Variants in DAB2IP observed in about 807,000 individuals in gnomAD.
DAB2IP encodes the protein disabled homolog 2-interacting protein.
A neutral mutation model predicts 107.2 loss-of-function variants in DAB2IP; 28 were observed. That is an observed-to-expected ratio of 0.26 (90% CI 0.19 to 0.36). The LOEUF (loss-of-function observed/expected upper bound fraction) is 0.36, where lower values mean the gene tolerates loss of function less well. Ranked by LOEUF, DAB2IP falls within the 10% of genes least tolerant of loss-of-function variation. The pLI, the probability that DAB2IP is intolerant of heterozygous loss-of-function variation, is 1.00. For missense variants in DAB2IP, 1,400 were observed against 1,644.7 expected, an observed-to-expected ratio of 0.85 and a Z score of 2.57; for synonymous variants, 755 against 706.4, an observed-to-expected ratio of 1.07 and a Z score of -1.09.
intron 3 of DAB2IP, among the ~76,000 whole-genome samples, chr9:121,738,753 G>C (rs1295795770): frequency 6.6e-6 from 1 of 152,206 alleles, no homozygotes; most frequent in Non-Finnish European, 1.5e-5. Flanking sequence ...TGTCTCTCAG[G>C]GTTTGGGGTT....
At chr9:121,596,225 G>A (rs1212290348) in intron 1 of DAB2IP, among the ~76,000 whole-genome samples, 2 of 152,186 alleles carry the variant, frequency 1.3e-5, no homozygotes, top group Non-Finnish European at 2.9e-5. Flanking sequence ...CAGCTACTCG[G>A]GAGACTGAGA....
intron 14 of DAB2IP, among the ~76,000 whole-genome samples, chr9:121,780,128 C>A (rs1835498925): frequency 6.6e-6 from 1 of 152,230 alleles, no homozygotes; most frequent in Admixed American, 6.5e-5. Flanking sequence ...TCAAGTGATC[C>A]TCCCTCCCTG....
chr9:121,709,305 G>A (rs1024439201), intron 3 of DAB2IP, among the ~76,000 whole-genome samples: 4 of 152,130 alleles, frequency 2.6e-5, no homozygotes, highest in East Asian at 1.9e-4. Context: ...GGCGGGGGAC[G>A]GAGATGCCTT....
chr9:121,670,127 A>G (rs988344889), intron 1 of DAB2IP, among the ~76,000 whole-genome samples: 6 of 152,052 alleles, frequency 3.9e-5, no homozygotes, highest in Admixed American at 2.6e-4. Flanking sequence ...TTCCATCTCT[A>G]TTGCTTTATC....
chr9:121,639,366 C>T (rs1361320316), intron 1 of DAB2IP, among the ~76,000 whole-genome samples: 6 of 152,184 alleles, frequency 3.9e-5, no homozygotes, highest in Non-Finnish European at 8.8e-5. Flanking sequence ...CAGAGCACAG[C>T]GGCAAGCTGG....
intron 14 of DAB2IP, among the ~76,000 whole-genome samples, chr9:121,780,315 G>A (rs1178320173): frequency 6.6e-6 from 1 of 152,110 alleles, no homozygotes; most frequent in Non-Finnish European, 1.5e-5. Flanking sequence ...TCCTGTACTG[G>A]GGAACCTGCC....
chr9:121,612,837 C>G (rs894917664), intron 1 of DAB2IP, among the ~76,000 whole-genome samples: 1 of 152,214 alleles, frequency 6.6e-6, no homozygotes, highest in Non-Finnish European at 1.5e-5. Context: ...AGGACAACTG[C>G]TCAGGTTTCT....
Position 121,702,398 on chromosome 9 carries a change from C to G in DAB2IP, c.362+2940C>G, listed in dbSNP as rs1170077180. 1.3e-5 allele frequency among the ~76,000 whole-genome samples: 2 copies of G among 152,026 alleles called. No individual in the cohort carries two copies. Among genetic ancestry groups the G allele is most frequent in the Non-Finnish European group, 1.5e-5 (1 of 68,006 alleles). On this transcript the variant is annotated intron_variant, in intron 3 of 15. Coordinates refer to ENST00000408936, the Ensembl canonical transcript of DAB2IP. This position sits in a 1 kb window ranked among gnomAD's most constrained non-coding sequence, Gnocchi z 4.5. ...AGTGCTTGGTTGGCACAGCTGGGCT[C>G]TGGGGGCTGGGGGCTGTAGGACAGG...
intron 3 of DAB2IP, among the ~76,000 whole-genome samples, chr9:121,729,431 T>G (rs1165437391): frequency 1.3e-5 from 2 of 152,160 alleles, no homozygotes; most frequent in African/African-American, 2.4e-5. Context: ...CTTAACTTTA[T>G]GACAAAACCA....
At chr9:121,783,559 C>T (rs1302150442) in exon 16 of DAB2IP, 1 of 1,614,014 alleles carries the variant, frequency 6.2e-7, no homozygotes, top group Non-Finnish European at 8.5e-7. Context: ...CAAAAGCCCG[C>T]TTGCTCGCTT....
rs560484700 is a variant in DAB2IP at position 121,622,991 on chromosome 9, G to A, written c.41-55687G>A. Among the ~76,000 whole-genome samples the A allele has an allele frequency of 1.1e-4, 17 of 152,318 alleles. No homozygotes were observed. In the East Asian group the frequency reaches 2.3e-3, roughly 21 times the overall value. ...AGGCATTCCTGAGAATGAGCATGTG[G>A]GTGCCTGGGGGTGTGCACGTGGGGC... On this transcript the variant is annotated intron_variant, in intron 1 of 16. Coordinates refer to the DAB2IP transcript ENST00000259371.
intron 10 of DAB2IP, among the ~76,000 whole-genome samples, 170 bp from the exon 11 acceptor site, chr9:121,770,376 G>A (rs1004960964): frequency 6.6e-6 from 1 of 152,180 alleles, no homozygotes; most frequent in African/African-American, 2.4e-5. Context: ...TAGATTTACC[G>A]ATTCCTGGGC....
At chr9:121,678,654 C>T (rs755101401) in intron 1 of DAB2IP, 24 bp from the exon 2 acceptor site, 30 of 1,488,428 alleles carry the variant, frequency 2.0e-5, no homozygotes, top group South Asian at 1.3e-5. Flanking sequence ...CTTGTTCAAC[C>T]TCTCTCTCCT....
intron 1 of DAB2IP, among the ~76,000 whole-genome samples, chr9:121,621,672 G>A (rs1337202733): frequency 7.7e-6 from 1 of 130,136 alleles, no homozygotes; most frequent in Non-Finnish European, 1.6e-5. Flanking sequence ...GTCTCATTCC[G>A]TTACCCAGGC....
In DAB2IP at chr9:121,689,251, G is replaced by A. The variant is rs988736926; in HGVS notation, c.229-10074G>A. ...GGAGGTTGCAGCGAGCTGAGATCGC[G>A]CCACTACACTCTAGCCTGGGTGGCA... On this transcript the variant is annotated intron_variant, in intron 2 of 15. Coordinates refer to ENST00000408936, the Ensembl canonical transcript of DAB2IP. Among the ~76,000 whole-genome samples the A allele has an allele frequency of 4.0e-5, 6 of 150,692 alleles. No individual in the cohort carries two copies. The South Asian group carries it at 8.4e-4, about 21-fold the overall frequency.
At chr9:121,603,232 G>A (rs564148627) in intron 1 of DAB2IP, among the ~76,000 whole-genome samples, 4 of 152,140 alleles carry the variant, frequency 2.6e-5, no homozygotes, top group Admixed American at 6.5e-5. Flanking sequence ...CCGCTCTGTG[G>A]GCCATTGGGC....
chr9:121,569,679 G>C (rs1829888283), intron 1 of DAB2IP, among the ~76,000 whole-genome samples: 1 of 152,190 alleles, frequency 6.6e-6, no homozygotes. Flanking sequence ...AAATTAGCCA[G>C]GCATGGTGGT....
intron 3 of DAB2IP, chr9:121,737,586 TGGGCCGGGCCGGA>T: frequency 1.0e-6 from 1 of 985,386 alleles, no homozygotes; most frequent in Non-Finnish European, 1.2e-6. Context: ...GGCAAGATCC[TGGGCCGGGCCGGA>T]GGGGCTGCTC....
chr9:121,782,150 G>A lies in DAB2IP; in HGVS notation c.3403-181G>A, dbSNP rs1449291881. ...GCATTTGGGCTGATAAGCAGGCAGC[G>A]AGGCTGTGTCCATGATGCTGCAGAG... On this transcript the variant is annotated intron_variant, in intron 15 of 15. Transcript: ENST00000408936. This position sits in a 1 kb window ranked among gnomAD's most constrained non-coding sequence, Gnocchi z 6.1. Among the ~76,000 whole-genome samples the A allele has an allele frequency of 6.6e-6, 1 of 152,134 alleles. No individual in the cohort carries two copies. The highest frequency in any genetic ancestry group is 1.5e-5 in the Non-Finnish European group (1 of 68,008).
Sources: allele counts gnomAD v4.1 joint callset (sites outside exome capture counted in the v4.1 genomes callset), GRCh38; gene constraint gnomAD v4.1.1; non-coding constraint Gnocchi (gnomAD v3.1); transcripts MANE v1.5; gene names NCBI Gene and HGNC (gene_info 2026-07-23, HGNC 2026-07-21).